The following MATCAP2 variants were observed in gnomAD, a reference collection of about 807,000 sequenced individuals.
The protein encoded by MATCAP2 is putative tyrosine carboxypeptidase MATCAP2.
the MATCAP2 span, among the ~76,000 whole-genome samples, chr7:36,385,812 TAAAA>T: frequency 6.9e-6 from 1 of 145,450 alleles, no homozygotes; most frequent in African/African-American, 2.5e-5. Context: ...TAAAATAAAA[TAAAA>T]TAAAATAAAA....
the MATCAP2 span, among the ~76,000 whole-genome samples, chr7:36,331,999 G>T: frequency 6.6e-6 from 1 of 152,154 alleles, no homozygotes; most frequent in South Asian, 2.1e-4. Context: ...AAACGAATTT[G>T]GAAGAATAGA....
the MATCAP2 span, chr7:36,333,821 G>A: frequency 6.7e-7 from 1 of 1,501,866 alleles, no homozygotes; most frequent in Admixed American, 2.1e-5. Flanking sequence ...CAACTAGTCA[G>A]TAAGTCAGAA....
At chr7:36,357,037 G>A in the MATCAP2 span, 16 of 1,614,082 alleles carry the variant, frequency 9.9e-6, no homozygotes, top group Non-Finnish European at 1.3e-5. Context: ...CTAAGTTGGT[G>A]GGTTTTATAG....
the MATCAP2 span, among the ~76,000 whole-genome samples, chr7:36,368,565 T>G: frequency 6.6e-6 from 1 of 152,244 alleles, no homozygotes; most frequent in African/African-American, 2.4e-5. Context: ...TATGGCAGTC[T>G]TCTAGACAGT....
chr7:36,357,043 T>C, the MATCAP2 span: 1 of 1,614,188 alleles, frequency 6.2e-7, no homozygotes. Context: ...TGGTGGGTTT[T>C]ATAGCAGTCA....
chr7:36,389,519 C>T, the MATCAP2 span, among the ~76,000 whole-genome samples: 2 of 152,332 alleles, frequency 1.3e-5, no homozygotes, highest in Middle Eastern at 3.4e-3. Flanking sequence ...TGCGCCACTA[C>T]TCCCGGCCTT....
At chr7:36,387,906 AATAC>A in the MATCAP2 span, among the ~76,000 whole-genome samples, 20 of 152,168 alleles carry the variant, frequency 1.3e-4, no homozygotes, top group Admixed American at 4.6e-4. Context: ...ACACGCCCCA[AATAC>A]ATACACACCT....
chr7:36,366,848 G>A, the MATCAP2 span: 34 of 1,507,048 alleles, frequency 2.3e-5, no homozygotes, highest in Non-Finnish European at 2.9e-5. Context: ...ACCATTACCT[G>A]AGCCCCGGGC....
At chr7:36,389,251 C>CG in the MATCAP2 span, among the ~76,000 whole-genome samples, 2 of 152,180 alleles carry the variant, frequency 1.3e-5, no homozygotes, top group Admixed American at 6.5e-5. Context: ...TTAGTAGAGA[C>CG]GGGGTTTCAC....
chr7:36,369,840 T>G, the MATCAP2 span, among the ~76,000 whole-genome samples: 1 of 152,274 alleles, frequency 6.6e-6, no homozygotes, highest in Non-Finnish European at 1.5e-5. Flanking sequence ...ATTTCAACAC[T>G]TCACTACAAT....
chr7:36,353,852 G>C, the MATCAP2 span, among the ~76,000 whole-genome samples: 1 of 152,052 alleles, frequency 6.6e-6, no homozygotes, highest in Admixed American at 6.6e-5. Flanking sequence ...TTAGAATAAA[G>C]ATACAATATG....
chr7:36,390,315 C>T, the MATCAP2 span: 3 of 525,682 alleles, frequency 5.7e-6, no homozygotes, highest in Admixed American at 3.3e-5. Context: ...CTTTCAGCCC[C>T]CGTTTTTACC....
chr7:36,368,858 C>T, the MATCAP2 span, among the ~76,000 whole-genome samples: 1 of 152,166 alleles, frequency 6.6e-6, no homozygotes, highest in African/African-American at 2.4e-5. Context: ...ATGTTCTTCC[C>T]TCAGATATCC....
At chr7:36,336,881 G>A in the MATCAP2 span, among the ~76,000 whole-genome samples, 2 of 151,474 alleles carry the variant, frequency 1.3e-5, no homozygotes, top group Admixed American at 1.3e-4. Context: ...GATCACTTGA[G>A]GCCAGGAGCT....
At chr7:36,378,277 G>A in the MATCAP2 span, among the ~76,000 whole-genome samples, 1 of 152,154 alleles carries the variant, frequency 6.6e-6, no homozygotes, top group Admixed American at 6.5e-5. Context: ...ACCTACAGAT[G>A]GGGTTTTGGT....
the MATCAP2 span, chr7:36,367,009 C>T: frequency 3.8e-6 from 5 of 1,300,792 alleles, no homozygotes; most frequent in Non-Finnish European, 3.9e-6. Flanking sequence ...GGGCGGGCGG[C>T]CTCTAGCCTC....
chr7:36,357,466 G>A, the MATCAP2 span: 1 of 1,614,090 alleles, frequency 6.2e-7, no homozygotes, highest in Non-Finnish European at 8.5e-7. Flanking sequence ...TTCCAGTTGT[G>A]AAAATGTCTT....
At chr7:36,377,624 T>A in the MATCAP2 span, among the ~76,000 whole-genome samples, 1 of 152,200 alleles carries the variant, frequency 6.6e-6, no homozygotes, top group South Asian at 2.1e-4. Context: ...GTTCTCTGTA[T>A]TTCCTGAACT....
At chr7:36,340,611 G>A in the MATCAP2 span, among the ~76,000 whole-genome samples, 14 of 152,184 alleles carry the variant, frequency 9.2e-5, no homozygotes, top group African/African-American at 3.1e-4. Context: ...TCATTATCTT[G>A]ATTCTTTTCT....
Sources: gnomAD v4.1 joint callset for allele counts (sites outside exome capture counted in the v4.1 genomes callset) on GRCh38, gnomAD v4.1.1 for gene constraint, MANE v1.5 for transcripts, NCBI Gene and HGNC (gene_info 2026-07-23, HGNC 2026-07-21) for gene names.